The following KLRG1 variants were observed in gnomAD, a reference collection of about 807,000 sequenced individuals.
KLRG1 encodes killer cell lectin-like receptor subfamily G member 1.
A neutral mutation model predicts 21.8 loss-of-function variants in KLRG1; 16 were observed. The ratio of observed to expected loss-of-function variants is 0.73; its 90% confidence interval spans 0.50 to 1.11. The LOEUF is 1.11. Among genes scored for constraint, KLRG1 ranks in the 50% most tolerant of loss-of-function variants. KLRG1 has a pLI of 0.00. For missense variants in KLRG1, 173 were observed against 218.3 expected (o/e 0.79, Z 1.31); for synonymous variants, 69 against 75.9 (o/e 0.91, Z 0.47).
chr12:9,194,115 T>C, the KLRG1 span: 93 of 1,613,870 alleles, frequency 5.8e-5, no homozygotes, highest in Non-Finnish European at 3.3e-5. Context: ...CTGGTAGTAT[T>C]GATTGAAAAC....
chr12:9,144,173 G>C, the KLRG1 span, among the ~76,000 whole-genome samples: 2 of 152,060 alleles, frequency 1.3e-5, no homozygotes, highest in Non-Finnish European at 2.9e-5. Context: ...GGAAGAGAGA[G>C]AGAGAGAGAG....
At chr12:9,112,310 TG>T in the KLRG1 span, 1 of 1,602,708 alleles carries the variant, frequency 6.2e-7, no homozygotes. Context: ...GAACTTTGCC[TG>T]GGGAACATCC....
At chr12:8,967,336 GT>G (rs1473358785) in intron 1 of KLRG1, among the ~76,000 whole-genome samples, 5 of 152,030 alleles carry the variant, frequency 3.3e-5, no homozygotes, top group Admixed American at 2.6e-4. Flanking sequence ...TATACTTTAA[GT>G]TTTATAATAA....
the KLRG1 span, among the ~76,000 whole-genome samples, chr12:9,179,808 C>T: frequency 1.3e-5 from 2 of 152,198 alleles, no homozygotes; most frequent in African/African-American, 4.8e-5. Context: ...ATATAGCTTT[C>T]ATTAAGATCA....
At chr12:9,139,781 A>G in the KLRG1 span, among the ~76,000 whole-genome samples, 3 of 152,356 alleles carry the variant, frequency 2.0e-5, no homozygotes, top group Admixed American at 6.5e-5. Flanking sequence ...GGAAAGAAAC[A>G]TGAAAAATGG....
chr12:8,966,738 G>A (rs1365249476), intron 1 of KLRG1, among the ~76,000 whole-genome samples: 5 of 140,086 alleles, frequency 3.6e-5, no homozygotes, highest in African/African-American at 1.3e-4. Context: ...CTGTTGGTGG[G>A]ACTGTAAACT....
the KLRG1 span, among the ~76,000 whole-genome samples, chr12:9,018,140 T>A: frequency 2.0e-5 from 3 of 152,274 alleles, no homozygotes; most frequent in East Asian, 5.8e-4. Context: ...ATATTCCATG[T>A]TTATGGATTG....
chr12:9,168,661 C>A, the KLRG1 span: 1 of 460,156 alleles, frequency 2.2e-6, no homozygotes, highest in Non-Finnish European at 3.8e-6. Context: ...GATTTTGTGC[C>A]CTGAAGTATC....
the KLRG1 span, among the ~76,000 whole-genome samples, chr12:9,209,058 T>TG: frequency 6.6e-6 from 1 of 151,624 alleles, no homozygotes; most frequent in Non-Finnish European, 1.5e-5. Context: ...TCTGAGATTT[T>TG]TTTTTTGAGC....
At chr12:9,044,619 A>G in the KLRG1 span, among the ~76,000 whole-genome samples, 1 of 152,114 alleles carries the variant, frequency 6.6e-6, no homozygotes, top group African/African-American at 2.4e-5. Flanking sequence ...GTGAGCCGAG[A>G]TCACCCTATT....
chr12:9,160,238 T>C, the KLRG1 span: 5 of 1,340,186 alleles, frequency 3.7e-6, no homozygotes, highest in African/African-American at 2.9e-5. Context: ...GGGTTAATAT[T>C]TGATGATATA....
the KLRG1 span, among the ~76,000 whole-genome samples, chr12:9,020,948 A>G: frequency 2.0e-5 from 3 of 152,216 alleles, no homozygotes; most frequent in Non-Finnish European, 2.9e-5. Context: ...CCTGGGCTAT[A>G]TGGGACAGCC....
Position 8,995,114 on chromosome 12 carries a change from C to T in KLRG1, c.188-5C>T, listed in dbSNP as rs1947090468. ...AGATGTGAACCAGGTCCTCTTCTCT[C>T]CTAGGCTCCAACTACTCCACTTGTG... On this transcript the variant is annotated splice_region_variant and splice_polypyrimidine_tract_variant and intron_variant, in intron 2 of 4. Transcript: ENST00000356986. The T allele has an allele frequency of 1.9e-6, 3 of 1,592,498 alleles. No homozygotes were observed. Among genetic ancestry groups the T allele is most frequent in the Non-Finnish European group, 2.6e-6 (3 of 1,171,880 alleles).
At chr12:8,974,570 T>C (rs1042794517) in intron 1 of KLRG1, among the ~76,000 whole-genome samples, 2 of 152,176 alleles carry the variant, frequency 1.3e-5, no homozygotes, top group African/African-American at 4.8e-5. Flanking sequence ...TTTGAGAATG[T>C]ACATTATGAA....
chr12:9,060,217 C>T, the KLRG1 span, among the ~76,000 whole-genome samples: 3 of 134,856 alleles, frequency 2.2e-5, no homozygotes, highest in Admixed American at 7.8e-5. Context: ...AGAGACGGGG[C>T]TTCATTGTGT....
At chr12:9,062,812 G>C in the KLRG1 span, among the ~76,000 whole-genome samples, 1 of 148,646 alleles carries the variant, frequency 6.7e-6, no homozygotes, top group South Asian at 2.1e-4. Context: ...ATTGTGTTAG[G>C]TGATTTTTTA....
At chr12:8,988,858 A>G (rs940924342), upstream of KLRG1, among the ~76,000 whole-genome samples, 1 of 152,182 alleles carries the variant, frequency 6.6e-6, no homozygotes, top group Non-Finnish European at 1.5e-5. Flanking sequence ...CTGGGATTAC[A>G]GGCGTGAGCC....
At chr12:9,193,227 A>T in the KLRG1 span, among the ~76,000 whole-genome samples, 2 of 152,304 alleles carry the variant, frequency 1.3e-5, no homozygotes, top group East Asian at 3.9e-4. Context: ...GTGATTTCTG[A>T]AACTTTAAGC....
At chr12:9,142,494 T>C in the KLRG1 span, among the ~76,000 whole-genome samples, 2 of 152,198 alleles carry the variant, frequency 1.3e-5, no homozygotes, top group South Asian at 2.1e-4. Flanking sequence ...ACTGTGCCAG[T>C]AAGTTTTAAA....
Sources: allele counts gnomAD v4.1 joint callset (sites outside exome capture counted in the v4.1 genomes callset), GRCh38; gene constraint gnomAD v4.1.1; transcripts MANE v1.5; gene names NCBI Gene and HGNC (gene_info 2026-07-23, HGNC 2026-07-21).